ACAD11: variants seen among roughly 807,000 people sequenced by gnomAD.
The protein encoded by ACAD11 is acyl-CoA dehydrogenase family member 11.
Under a neutral mutation model 102.2 loss-of-function variants are expected in ACAD11, and 83 were observed. The ratio of observed to expected loss-of-function variants is 0.81; its 90% CI spans 0.68 to 0.97. ACAD11 has a LOEUF of 0.97. ACAD11 is among the 50% of genes least tolerant of loss of function. The pLI, the probability that ACAD11 is intolerant of heterozygous loss-of-function variation, is 0.00. For synonymous variants in ACAD11, 324 were observed against 319.8 expected (o/e 1.01, Z -0.14); for missense variants, 901 against 951.7 (o/e 0.95, Z 0.70).
chr3:132,585,495 T>G (rs1187568884), intron 13 of ACAD11, among the ~76,000 whole-genome samples: 1 of 150,406 alleles, frequency 6.6e-6, no homozygotes. Context: ...TTGACTTCAA[T>G]TAATTAAACT....
At chr3:132,599,626 T>C (rs536465958) in intron 13 of ACAD11, among the ~76,000 whole-genome samples, 4 of 150,338 alleles carry the variant, frequency 2.7e-5, no homozygotes, top group Non-Finnish European at 5.9e-5. Flanking sequence ...AGAAGACAGA[T>C]TCAAGACCTA....
intron 6 of ACAD11, 102 bp from the exon 7 acceptor site, chr3:132,630,660 C>G: frequency 1.1e-6 from 1 of 942,920 alleles, no homozygotes; most frequent in Non-Finnish European, 1.5e-6. Flanking sequence ...AATGTAATAA[C>G]CATTAGCCCT....
intron 4 of ACAD11, 67 bp downstream of exon 4, chr3:132,641,905 T>G: frequency 1.4e-6 from 2 of 1,390,400 alleles, no homozygotes; most frequent in Admixed American, 2.3e-5. Flanking sequence ...TAGCTTTTTT[T>G]GTTGACTAAT....
rs565969710 is a variant in ACAD11, at chr3:132,564,372, C to A, written c.2002-3155G>T. Reference sequence around the variant, plus strand: ...TTCTCTAACTGTTTAGTAGAATTTACCAGTAATACCATCTGGGCCTGAAGA... The same window carrying A: ...TTCTCTAACTGTTTAGTAGAATTTAACAGTAATACCATCTGGGCCTGAAGA... On this transcript the variant is annotated intron_variant, in intron 17 of 19. Coordinates refer to ENST00000264990, the MANE Select transcript of ACAD11 (RefSeq NM_032169.5). 4.1e-3 allele frequency among the ~76,000 whole-genome samples: 630 copies of A among 152,256 alleles called. 3 individuals are homozygous for A. The highest frequency in any genetic ancestry group is 7.6e-3 in the Non-Finnish European group (514 of 68,022).
intron 17 of ACAD11, among the ~76,000 whole-genome samples, chr3:132,572,342 T>TA (rs911687696): frequency 2.7e-5 from 4 of 149,122 alleles, no homozygotes; most frequent in African/African-American, 9.9e-5. Context: ...ACCAGGGAGG[T>TA]AAAAAATCTT....
At chr3:132,600,465 A>T (rs540931804) in intron 13 of ACAD11, 8 of 1,613,454 alleles carry the variant, frequency 5.0e-6, no homozygotes, top group Admixed American at 3.3e-5. Context: ...GGCACTTATG[A>T]CTACAGTCAA....
intron 1 of ACAD11, among the ~76,000 whole-genome samples, chr3:132,655,968 G>A (rs1198896582): frequency 6.6e-6 from 1 of 152,150 alleles, no homozygotes; most frequent in African/African-American, 2.4e-5. Flanking sequence ...TAAGGCATGA[G>A]GAATAGTAAT....
At chr3:132,644,738 G>A in intron 2 of ACAD11, 59 bp downstream of exon 2, 1 of 973,664 alleles carries the variant, frequency 1.0e-6, no homozygotes. Context: ...TTGGCTTTGT[G>A]TGTATTAAAA....
intron 1 of ACAD11, among the ~76,000 whole-genome samples, chr3:132,657,158 G>A (rs1426952583): frequency 6.6e-6 from 1 of 152,196 alleles, no homozygotes; most frequent in African/African-American, 2.4e-5. Context: ...ACCTGGAACT[G>A]TGTGAGATAA....
intron 1 of ACAD11, among the ~76,000 whole-genome samples, chr3:132,654,943 T>G (rs1384577851): frequency 1.3e-5 from 2 of 152,254 alleles, no homozygotes; most frequent in African/African-American, 4.8e-5. Flanking sequence ...TACAGCCTGC[T>G]GCTCCTAGGC....
At chr3:132,585,283 G>C (rs867602407) in intron 13 of ACAD11, among the ~76,000 whole-genome samples, 113 of 152,142 alleles carry the variant, frequency 7.4e-4, no homozygotes, top group South Asian at 8.3e-4. Flanking sequence ...GGAAAACTGG[G>C]TAGCCATATG....
At chr3:132,638,464 A>G (rs2107878953) in intron 5 of ACAD11, among the ~76,000 whole-genome samples, 1 of 152,336 alleles carries the variant, frequency 6.6e-6, no homozygotes, top group African/African-American at 2.4e-5. Flanking sequence ...AAAGTTAAGC[A>G]TAAATTTATG....
intron 5 of ACAD11, among the ~76,000 whole-genome samples, chr3:132,639,102 A>G (rs907673164): frequency 6.6e-6 from 1 of 152,252 alleles, no homozygotes. Flanking sequence ...TAAACAAATA[A>G]TAAATTCTTC....
intron 13 of ACAD11, among the ~76,000 whole-genome samples, chr3:132,593,907 G>C (rs1463091662): frequency 4.6e-5 from 7 of 152,156 alleles, no homozygotes; most frequent in Non-Finnish European, 1.0e-4. Flanking sequence ...GAAGCATCAA[G>C]TAAGTACTTT....
chr3:132,638,683 A>C (rs1197183070), intron 5 of ACAD11, among the ~76,000 whole-genome samples: 1 of 152,246 alleles, frequency 6.6e-6, no homozygotes, highest in Admixed American at 6.5e-5. Context: ...TAAATGACAC[A>C]GATCAAATAC....
Position 132,569,629 on chromosome 3 carries a change from T to C in ACAD11, c.2001+6143A>G, listed in dbSNP as rs1051038352. On this transcript the variant is annotated intron_variant, in intron 17 of 19. Transcript: ENST00000264990. Reference sequence around the variant, plus strand: ...GTAGTATATCCAGACTAAGGAATACTACTGAACAATAAAAATGAACCAACT... The same window carrying C: ...GTAGTATATCCAGACTAAGGAATACCACTGAACAATAAAAATGAACCAACT... 2.6e-5 allele frequency among the ~76,000 whole-genome samples: 4 copies of C among 152,158 alleles called. No homozygotes were observed. In the East Asian group the frequency reaches 7.7e-4, roughly 29 times the overall value.
chr3:132,613,921 A>T (rs964367182), intron 11 of ACAD11, among the ~76,000 whole-genome samples: 1 of 151,792 alleles, frequency 6.6e-6, no homozygotes, highest in Non-Finnish European at 1.5e-5. Flanking sequence ...AAAAAAGAAA[A>T]CCCCATCATC....
At chr3:132,604,084 A>G (rs1206060745) in intron 12 of ACAD11, among the ~76,000 whole-genome samples, 1 of 152,220 alleles carries the variant, frequency 6.6e-6, no homozygotes, top group Non-Finnish European at 1.5e-5. Flanking sequence ...ATAAATGCCT[A>G]TTACTGATTT....
chr3:132,581,921 T>A (rs2107797203), intron 13 of ACAD11, among the ~76,000 whole-genome samples: 1 of 152,190 alleles, frequency 6.6e-6, no homozygotes, highest in South Asian at 2.1e-4. Flanking sequence ...TATCCTGTAG[T>A]CAACTACAGT....
Sources: gnomAD v4.1 joint callset for allele counts (sites outside exome capture counted in the v4.1 genomes callset) on GRCh38, gnomAD v4.1.1 for gene constraint, MANE v1.5 for transcripts, NCBI Gene and HGNC (gene_info 2026-07-23, HGNC 2026-07-21) for gene names.